The following VDAC1 variants were observed in gnomAD, a reference collection of about 807,000 sequenced individuals.
VDAC1 encodes the protein non-selective voltage-gated ion channel VDAC1.
In VDAC1, 10 loss-of-function variants were observed where a neutral mutation model predicts 34.7. The ratio of observed to expected loss-of-function variants is 0.29; its 90% confidence interval spans 0.18 to 0.49. VDAC1 has a LOEUF of 0.49. Among genes scored for constraint, VDAC1 ranks in the 20% least tolerant of loss-of-function variants. The pLI is 0.99. For synonymous variants in VDAC1, 130 were observed against 136.0 expected, an observed-to-expected ratio of 0.96 and a Z score of 0.30; for missense variants, 230 against 347.9, an observed-to-expected ratio of 0.66 and a Z score of 2.69.
At chr5:134,029,801 G>A in the VDAC1 span, among the ~76,000 whole-genome samples, 18 of 152,192 alleles carry the variant, frequency 1.2e-4, no homozygotes, top group Non-Finnish European at 2.5e-4. Context: ...AGGATAGCCT[G>A]TGGGAGGTCT....
the VDAC1 span, among the ~76,000 whole-genome samples, chr5:134,101,039 C>T: frequency 4.6e-5 from 7 of 152,272 alleles, no homozygotes; most frequent in Non-Finnish European, 4.4e-5. Context: ...TTCTGCAAGA[C>T]CACCAGAGCT....
chr5:134,068,354 G>A, the VDAC1 span, among the ~76,000 whole-genome samples: 2 of 148,826 alleles, frequency 1.3e-5, no homozygotes, highest in South Asian at 4.2e-4. Flanking sequence ...TCTTTTTGAG[G>A]AATACTCTTC....
intron 7 of VDAC1, among the ~76,000 whole-genome samples, chr5:133,974,470 G>A (rs966906502): frequency 6.6e-6 from 1 of 152,136 alleles, no homozygotes; most frequent in Non-Finnish European, 1.5e-5. Flanking sequence ...GGGGCGGGGG[G>A]AATTATCAAT....
the VDAC1 span, among the ~76,000 whole-genome samples, chr5:134,040,252 G>A: frequency 2.6e-5 from 4 of 152,180 alleles, no homozygotes; most frequent in Admixed American, 6.5e-5. Flanking sequence ...CCAACATGGC[G>A]AAACCCGGTC....
intron 6 of VDAC1, 57 bp from the exon 7 acceptor site, chr5:133,976,078 G>A: frequency 1.2e-6 from 2 of 1,607,256 alleles, no homozygotes; most frequent in Non-Finnish European, 1.7e-6. Flanking sequence ...CTGCAGCCCA[G>A]ACAGATCCAC....
intron 3 of VDAC1, among the ~76,000 whole-genome samples, chr5:133,991,479 C>T (rs1013052486): frequency 2.6e-5 from 4 of 152,220 alleles, no homozygotes; most frequent in Non-Finnish European, 4.4e-5. Context: ...GCTGACACAG[C>T]GGTAATTCAA....
At chr5:133,998,440 G>A (rs1753417963) in intron 1 of VDAC1, among the ~76,000 whole-genome samples, 1 of 152,322 alleles carries the variant, frequency 6.6e-6, no homozygotes, top group South Asian at 2.1e-4. Context: ...GGAGGCTGAG[G>A]CATGAGAATC....
chr5:133,979,424 C>CATTTTTTTTTTTTT (rs1752602499), intron 6 of VDAC1, among the ~76,000 whole-genome samples: 1 of 80,992 alleles, frequency 1.2e-5, no homozygotes, highest in Non-Finnish European at 2.1e-5. Flanking sequence ...ATTTTCTTTG[C>CATTTTTTTTTTTTT]TTTTTTTTTT....
chr5:134,012,956 A>G, the VDAC1 span, among the ~76,000 whole-genome samples: 2 of 152,092 alleles, frequency 1.3e-5, no homozygotes, highest in African/African-American at 4.8e-5. Flanking sequence ...ACAACCAACT[A>G]ATCTTCAACA....
the VDAC1 span, among the ~76,000 whole-genome samples, chr5:134,014,749 T>C: frequency 2.0e-5 from 3 of 151,904 alleles, no homozygotes; most frequent in African/African-American, 7.3e-5. Flanking sequence ...GCCTGCAGTC[T>C]CAGCTGCTCA....
At chr5:134,102,067 G>A in the VDAC1 span, among the ~76,000 whole-genome samples, 1 of 152,208 alleles carries the variant, frequency 6.6e-6, no homozygotes, top group Non-Finnish European at 1.5e-5. Context: ...GGAGGCACAG[G>A]GGAGCGGTTT....
intron 2 of VDAC1, 36 bp downstream of exon 2, chr5:133,992,910 G>A: frequency 6.3e-7 from 1 of 1,596,398 alleles, no homozygotes. Flanking sequence ...AACTCAGTCT[G>A]TGAGCTGAAA....
the VDAC1 span, among the ~76,000 whole-genome samples, chr5:134,025,833 C>T: frequency 1.3e-5 from 2 of 152,038 alleles, no homozygotes; most frequent in African/African-American, 4.8e-5. Flanking sequence ...TGGCCTCAAG[C>T]GATCCTCCCA....
At chr5:134,038,916 AGATAGACACAAAATGGG>A in the VDAC1 span, among the ~76,000 whole-genome samples, 2 of 127,064 alleles carry the variant, frequency 1.6e-5, no homozygotes, top group African/African-American at 6.9e-5. Flanking sequence ...TCTATCATTG[AGATAGACACAAAATGGG>A]CCCATAGAGG....
intron 1 of VDAC1, among the ~76,000 whole-genome samples, chr5:133,998,255 C>T (rs896127393): frequency 4.6e-5 from 7 of 152,140 alleles, no homozygotes; most frequent in Admixed American, 3.3e-4. Flanking sequence ...GGCTTAGATA[C>T]GCTTCTGGAG....
chr5:133,991,282 C>G, intron 3 of VDAC1, 128 bp from the exon 4 acceptor site: 1 of 1,153,244 alleles, frequency 8.7e-7, no homozygotes, highest in African/African-American at 1.5e-5. Context: ...AAGGCTAACT[C>G]TACAATTCAA....
the VDAC1 span, among the ~76,000 whole-genome samples, chr5:134,100,907 G>T: frequency 6.6e-6 from 1 of 152,246 alleles, no homozygotes; most frequent in Non-Finnish European, 1.5e-5. Context: ...GGCAGAGCTG[G>T]AACTGGACCT....
the VDAC1 span, among the ~76,000 whole-genome samples, chr5:134,028,071 A>G: frequency 7.1e-6 from 1 of 141,698 alleles, no homozygotes. Flanking sequence ...GTGCCTGGCC[A>G]TGTCCAGGTA....
At chr5:134,010,591 T>G in the VDAC1 span, among the ~76,000 whole-genome samples, 9 of 152,072 alleles carry the variant, frequency 5.9e-5, no homozygotes, top group Non-Finnish European at 1.2e-4. Flanking sequence ...AGAGCGAGAC[T>G]TTGTCTCAAA....
Sources: allele counts gnomAD v4.1 joint callset (sites outside exome capture counted in the v4.1 genomes callset), GRCh38; gene constraint gnomAD v4.1.1; transcripts MANE v1.5; gene names NCBI Gene and HGNC (gene_info 2026-07-23, HGNC 2026-07-21).